KCNIP4: variants seen among roughly 807,000 people sequenced by gnomAD.
The protein encoded by KCNIP4 is potassium voltage-gated channel interacting protein 4, also known as Kv channel-interacting protein 4.
In KCNIP4, 12 loss-of-function variants were observed where a neutral mutation model predicts 34.0. The ratio of observed to expected loss-of-function variants is 0.35; its 90% confidence interval spans 0.23 to 0.57. The LOEUF (loss-of-function observed/expected upper bound fraction) is 0.57, where lower values mean the gene tolerates loss of function less well. Ranked by LOEUF, KCNIP4 falls within the 20% of genes least tolerant of loss-of-function variation. KCNIP4 has a pLI of 0.83. For missense variants in KCNIP4, 238 were observed against 311.7 expected (o/e 0.76, Z 1.78); for synonymous variants, 124 against 102.2 (o/e 1.21, Z -1.29).
At chr4:20,934,163 A>G (rs1303377731) in intron 1 of KCNIP4, among the ~76,000 whole-genome samples, 1 of 152,182 alleles carries the variant, frequency 6.6e-6, no homozygotes, top group African/African-American at 2.4e-5. Flanking sequence ...AAGTTCATAA[A>G]ATAATTTTAC....
intron 1 of KCNIP4, among the ~76,000 whole-genome samples, chr4:21,560,204 G>C (rs931901680): frequency 3.3e-5 from 5 of 151,952 alleles, no homozygotes; most frequent in African/African-American, 1.2e-4. Context: ...CTTGTATCCT[G>C]ATGCAAAATG....
chr4:21,520,249 C>T (rs1735410175), intron 1 of KCNIP4, among the ~76,000 whole-genome samples: 1 of 152,118 alleles, frequency 6.6e-6, no homozygotes, highest in Non-Finnish European at 1.5e-5. Flanking sequence ...TACTTTGCAT[C>T]CTTCAATCCC....
At chr4:21,123,217 A>AG (rs397809134) in intron 1 of KCNIP4, among the ~76,000 whole-genome samples, 2 of 151,510 alleles carry the variant, frequency 1.3e-5, no homozygotes, top group Non-Finnish European at 2.9e-5. Flanking sequence ...AAAAAAAAAA[A>AG]TTACTGTTGA....
At chr4:21,185,682 G>C (rs1419542140) in intron 1 of KCNIP4, among the ~76,000 whole-genome samples, 4 of 152,156 alleles carry the variant, frequency 2.6e-5, no homozygotes, top group Non-Finnish European at 5.9e-5. Flanking sequence ...GCTTGTCTTT[G>C]TCATCATCAT....
intron 1 of KCNIP4, among the ~76,000 whole-genome samples, chr4:21,664,904 C>T (rs147046313): frequency 4.3e-4 from 65 of 152,178 alleles, no homozygotes; most frequent in Non-Finnish European, 5.4e-4. Flanking sequence ...GTTGTTGTGA[C>T]ATGATTTGGT....
intron 1 of KCNIP4, among the ~76,000 whole-genome samples, chr4:21,462,765 TTGTGTGTGTGTGTG>T (rs57124779): frequency 1.1e-3 from 163 of 145,740 alleles, no homozygotes; most frequent in African/African-American, 1.7e-3. Context: ...TAGTATTCCA[TTGTGTGTGTGTGTG>T]TGTGTGTGTG....
At chr4:20,776,966 T>C (rs1756423732) in intron 3 of KCNIP4, among the ~76,000 whole-genome samples, 1 of 152,192 alleles carries the variant, frequency 6.6e-6, no homozygotes. Context: ...TGTTTTATGC[T>C]ATAGACTGAA....
intron 1 of KCNIP4, among the ~76,000 whole-genome samples, chr4:21,774,674 A>C (rs1168485991): frequency 6.6e-6 from 1 of 152,106 alleles, no homozygotes; most frequent in Non-Finnish European, 1.5e-5. Flanking sequence ...ACAAGAATGC[A>C]TATCTTATTT....
intron 2 of KCNIP4, among the ~76,000 whole-genome samples, chr4:20,877,069 C>A (rs559259169): frequency 2.0e-5 from 3 of 152,236 alleles, no homozygotes; most frequent in South Asian, 4.1e-4. Context: ...CCTTTGTGGA[C>A]AATATTATCT....
intron 1 of KCNIP4, among the ~76,000 whole-genome samples, chr4:21,789,030 G>C (rs927285458): frequency 2.2e-5 from 3 of 136,886 alleles, no homozygotes; most frequent in African/African-American, 8.0e-5. Context: ...CTGAGATTGT[G>C]CCACTGCACT....
intron 1 of KCNIP4, among the ~76,000 whole-genome samples, chr4:21,064,567 T>C (rs1744190239): frequency 1.3e-5 from 2 of 152,172 alleles, no homozygotes; most frequent in African/African-American, 2.4e-5. Flanking sequence ...AGCTATAAAA[T>C]AGGACCATTG....
intron 1 of KCNIP4, among the ~76,000 whole-genome samples, chr4:21,496,971 G>C (rs1358863266): frequency 6.6e-6 from 1 of 152,170 alleles, no homozygotes; most frequent in Non-Finnish European, 1.5e-5. Flanking sequence ...CTGGCTTACA[G>C]GATAAAGTCC....
At chr4:20,973,408 G>T (rs547391970) in intron 1 of KCNIP4, among the ~76,000 whole-genome samples, 3 of 152,294 alleles carry the variant, frequency 2.0e-5, no homozygotes, top group East Asian at 1.9e-4. Flanking sequence ...TTAGGGCCTT[G>T]TTCTGGGTTA....
intron 1 of KCNIP4, among the ~76,000 whole-genome samples, chr4:21,461,362 G>A (rs999936127): frequency 1.3e-5 from 2 of 151,780 alleles, no homozygotes; most frequent in African/African-American, 2.4e-5. Context: ...ACCCAGTCTC[G>A]GGTAGTTCTT....
intron 1 of KCNIP4, among the ~76,000 whole-genome samples, chr4:21,817,230 T>A (rs1722041116): frequency 6.6e-6 from 1 of 152,130 alleles, no homozygotes; most frequent in Admixed American, 6.6e-5. Context: ...CAGAGGAACA[T>A]AAGTTTTGAA....
intron 1 of KCNIP4, among the ~76,000 whole-genome samples, chr4:20,980,964 T>A: frequency 6.6e-6 from 1 of 151,864 alleles, no homozygotes; most frequent in Non-Finnish European, 1.5e-5. Flanking sequence ...GATAATCTAA[T>A]TTTTTATGGT....
At chr4:21,326,983 T>G (rs984245554) in intron 1 of KCNIP4, among the ~76,000 whole-genome samples, 2 of 152,042 alleles carry the variant, frequency 1.3e-5, no homozygotes, top group Admixed American at 1.3e-4. Flanking sequence ...TCTGTTTATA[T>G]CTTATTATTG....
intron 1 of KCNIP4, among the ~76,000 whole-genome samples, chr4:20,920,650 C>T (rs983410741): frequency 2.0e-5 from 3 of 152,016 alleles, no homozygotes; most frequent in Non-Finnish European, 4.4e-5. Flanking sequence ...TCCCTGTGGA[C>T]GATGGAGAGT....
intron 1 of KCNIP4, among the ~76,000 whole-genome samples, chr4:21,009,276 T>C (rs1476709292): frequency 1.3e-5 from 2 of 152,208 alleles, no homozygotes; most frequent in Non-Finnish European, 2.9e-5. Flanking sequence ...TACATACTTA[T>C]CCAATGAATA....
Sources: gnomAD v4.1 joint callset for allele counts (sites outside exome capture counted in the v4.1 genomes callset) on GRCh38, gnomAD v4.1.1 for gene constraint, MANE v1.5 for transcripts, NCBI Gene and HGNC (gene_info 2026-07-23, HGNC 2026-07-21) for gene names.